DGUOK: variants seen among roughly 807,000 people sequenced by gnomAD.
DGUOK encodes deoxyguanosine kinase, mitochondrial.
A neutral mutation model predicts 36.6 loss-of-function variants in DGUOK; 30 were observed. That is an observed-to-expected ratio of 0.82 (90% CI 0.61 to 1.11). The LOEUF (loss-of-function observed/expected upper bound fraction) is 1.11, where lower values mean the gene tolerates loss of function less well. Ranked by LOEUF, DGUOK falls within the 50% of genes most tolerant of loss-of-function variation. The probability of loss-of-function intolerance (pLI) is 0.00; values close to 1 mark genes in which losing one functional copy is unlikely to be tolerated. For missense variants in DGUOK, 361 were observed against 336.4 expected (o/e 1.07, Z -0.57); for synonymous variants, 145 against 126.3 (o/e 1.15, Z -0.99).
At chr2:73,930,070 G>T (rs1427124188) in intron 1 of DGUOK, among the ~76,000 whole-genome samples, 1 of 152,202 alleles carries the variant, frequency 6.6e-6, no homozygotes, top group Non-Finnish European at 1.5e-5. Flanking sequence ...TGCCCAGTGG[G>T]AAATAATTTA....
intron 1 of DGUOK, among the ~76,000 whole-genome samples, chr2:73,930,786 T>C (rs1680954698): frequency 1.1e-5 from 1 of 91,164 alleles, no homozygotes; most frequent in African/African-American, 3.6e-5. Context: ...AATTTTCTTT[T>C]TTTTTTTCTT....
At chr2:73,931,721 C>T (rs1488748841) in intron 1 of DGUOK, among the ~76,000 whole-genome samples, 1 of 152,168 alleles carries the variant, frequency 6.6e-6, no homozygotes, top group Admixed American at 6.5e-5. Context: ...TGCTGCAGTA[C>T]CCATAGTGCC....
chr2:73,958,348 C>T, intron 6 of DGUOK, 103 bp downstream of exon 6: 1 of 871,206 alleles, frequency 1.1e-6, no homozygotes, highest in Non-Finnish European at 1.9e-6. Flanking sequence ...TTGTGCTTTG[C>T]ATCTCACATT....
intron 4 of DGUOK, among the ~76,000 whole-genome samples, chr2:73,956,041 C>T (rs1019648604): frequency 2.0e-5 from 3 of 152,104 alleles, no homozygotes; most frequent in Non-Finnish European, 4.4e-5. Context: ...CTGGCCTGTT[C>T]CCCAGGAAAG....
chr2:73,927,684 C>T (rs1416535294), intron 1 of DGUOK, among the ~76,000 whole-genome samples: 2 of 152,192 alleles, frequency 1.3e-5, no homozygotes, highest in Non-Finnish European at 2.9e-5. Flanking sequence ...ACTTTTTAAA[C>T]TTAAAAACAT....
At chr2:73,936,568 A>T (rs1681480033) in intron 1 of DGUOK, among the ~76,000 whole-genome samples, 1 of 152,164 alleles carries the variant, frequency 6.6e-6, no homozygotes, top group African/African-American at 2.4e-5. Flanking sequence ...TTATGCTGAG[A>T]CATCAGCACC....
At position 73,938,903 on chromosome 2, in the gene DGUOK, A is replaced by C; in HGVS notation, c.143-7A>C. ...AAGCATCCCAATACATGCTATTTGCATTGCAGCTGTGGGAAAGTCCACGTT... is the reference window on the plus strand; with the variant it reads ...AAGCATCCCAATACATGCTATTTGCCTTGCAGCTGTGGGAAAGTCCACGTT... On this transcript the variant is annotated splice_polypyrimidine_tract_variant and splice_region_variant and intron_variant, in intron 1 of 6. Transcript: ENST00000264093. The C allele has an allele frequency of 6.2e-7, 1 of 1,600,046 alleles. No homozygotes were observed. Among genetic ancestry groups the C allele is most frequent in the Non-Finnish European group, 8.6e-7 (1 of 1,167,264 alleles).
chr2:73,931,894 C>T (rs929683975), intron 1 of DGUOK, among the ~76,000 whole-genome samples: 8 of 151,790 alleles, frequency 5.3e-5, no homozygotes, highest in African/African-American at 1.9e-4. Flanking sequence ...ATTTTGGAAG[C>T]GGGATTGACA....
At chr2:73,941,357 G>A (rs955477634) in intron 2 of DGUOK, among the ~76,000 whole-genome samples, 2 of 152,118 alleles carry the variant, frequency 1.3e-5, no homozygotes, top group African/African-American at 4.8e-5. Context: ...GATAATGAAT[G>A]TTTTTGTTTA....
intron 2 of DGUOK, among the ~76,000 whole-genome samples, chr2:73,943,767 A>G (rs1327622934): frequency 6.6e-6 from 1 of 151,836 alleles, no homozygotes; most frequent in Non-Finnish European, 1.5e-5. Flanking sequence ...CTCCTGCCTC[A>G]GCCTCCCAAG....
intron 1 of DGUOK, among the ~76,000 whole-genome samples, chr2:73,927,311 T>G (rs1487630838): frequency 2.0e-5 from 3 of 152,200 alleles, no homozygotes; most frequent in African/African-American, 7.2e-5. Flanking sequence ...AGGACAAGAA[T>G]TGTATTAGCT....
intron 3 of DGUOK, among the ~76,000 whole-genome samples, 184 bp from the exon 4 acceptor site, chr2:73,950,401 G>A (rs1012845891): frequency 6.6e-6 from 1 of 152,152 alleles, no homozygotes; most frequent in African/African-American, 2.4e-5. Context: ...TACTGAGCAG[G>A]GAGGGAGATA....
intron 4 of DGUOK, among the ~76,000 whole-genome samples, chr2:73,956,339 GAT>G: frequency 6.6e-6 from 1 of 152,252 alleles, no homozygotes; most frequent in East Asian, 1.9e-4. Context: ...ACATGAAAGA[GAT>G]ATTTCAAATT....
chr2:73,940,683 A>T (rs756302884), intron 2 of DGUOK, among the ~76,000 whole-genome samples: 3 of 152,236 alleles, frequency 2.0e-5, no homozygotes, highest in Non-Finnish European at 2.9e-5. Context: ...GATTATAACA[A>T]CATATTTTTA....
At chr2:73,954,967 T>C (rs750788091) in intron 4 of DGUOK, among the ~76,000 whole-genome samples, 2 of 152,206 alleles carry the variant, frequency 1.3e-5, no homozygotes, top group African/African-American at 2.4e-5. Context: ...GAATTTGTTA[T>C]AGCGATATCA....
chr2:73,958,012 G>A, intron 5 of DGUOK, 134 bp from the exon 6 acceptor site: 1 of 709,148 alleles, frequency 1.4e-6, no homozygotes. Context: ...TTTAAATGCA[G>A]TTTACATGCA....
At chr2:73,951,304 T>C (rs1173072844) in intron 4 of DGUOK, among the ~76,000 whole-genome samples, 2 of 152,092 alleles carry the variant, frequency 1.3e-5, no homozygotes, top group Non-Finnish European at 2.9e-5. Flanking sequence ...TCTCTGGAGA[T>C]AGAAGTGAGC....
Position 73,958,804 on chromosome 2 carries a change from C to G in DGUOK, c.*68C>G. 1 of 1,354,012 alleles carries G rather than the reference C, an allele frequency of 7.4e-7. No individual in the cohort carries two copies. The highest frequency in any genetic ancestry group is 1.1e-6 in the Non-Finnish European group (1 of 942,156). The allele number at this position is 1,354,012 out of a possible 1,614,324, so 83.9% of individuals were successfully genotyped here. On this transcript the variant is annotated 3_prime_UTR_variant, in exon 7 of 7. Coordinates refer to ENST00000264093, the MANE Select transcript of DGUOK (RefSeq NM_080916.3). ...TTCTGAAGCTAGAAAAATGTTGTGT[C>G]TCCCAACCACCTTTCCATCCCCAGC...
In DGUOK at chr2:73,958,747, G is replaced by C. The variant is rs768232553; in HGVS notation, c.*11G>C. On this transcript the variant is annotated 3_prime_UTR_variant, in exon 7 of 7. Transcript: ENST00000264093. The stretch of plus-strand genomic sequence containing the variant: ...GTAAAGAATCTGTAACCAATACCAT[G>C]AAGTTCAGGCTGTGATCTGGGCTCC... 9 of 1,610,930 alleles carry C rather than the reference G, an allele frequency of 5.6e-6. No individual in the cohort carries two copies. The highest frequency in any genetic ancestry group is 1.7e-5 in the Admixed American group (1 of 60,020).
Sources: allele counts gnomAD v4.1 joint callset (sites outside exome capture counted in the v4.1 genomes callset), GRCh38; gene constraint gnomAD v4.1.1; transcripts MANE v1.5; gene names NCBI Gene and HGNC (gene_info 2026-07-23, HGNC 2026-07-21).